STYXL1: variants seen among roughly 807,000 people sequenced by gnomAD.
STYXL1 encodes the protein serine/threonine/tyrosine-interacting-like protein 1.
Under a neutral mutation model 36.4 loss-of-function variants are expected in STYXL1, and 32 were observed. That is an observed-to-expected ratio of 0.88 (90% CI 0.66 to 1.18). STYXL1 has a LOEUF of 1.18. STYXL1 is among the 50% of genes most tolerant of loss of function. The pLI, the probability that STYXL1 is intolerant of heterozygous loss-of-function variation, is 0.00. For synonymous variants in STYXL1, 133 were observed against 144.1 expected (o/e 0.92, Z 0.55); for missense variants, 354 against 394.1 (o/e 0.90, Z 0.86).
intron 8 of STYXL1, 132 bp from the exon 9 acceptor site, chr7:75,996,731 A>G: frequency 1.2e-6 from 1 of 832,628 alleles, no homozygotes; most frequent in Non-Finnish European, 1.9e-6. Flanking sequence ...TGGATGCAGA[A>G]ACAGGGCAGC....
chr7:76,028,488 T>C (rs1337428086), intron 3 of STYXL1, among the ~76,000 whole-genome samples, 154 bp downstream of exon 3: 7 of 152,154 alleles, frequency 4.6e-5, no homozygotes, highest in African/African-American at 4.8e-5. Flanking sequence ...TGAGAAAATG[T>C]GTGAGGGTGA....
Position 76,047,834 on chromosome 7 carries a change from G to T in STYXL1, c.-177C>A. 1.7e-6 allele frequency: 2 copies of T among 1,145,076 alleles called. No homozygotes were observed. The highest frequency in any genetic ancestry group is 2.3e-6 in the Non-Finnish European group (2 of 882,904). 70.9% of individuals were successfully genotyped at this position (1,145,076 alleles called of 1,614,324 possible). A position where few individuals can be genotyped will look rare whatever the true frequency, so the allele number is the denominator to read the frequency against. Reference sequence around the variant, plus strand: ...CACCTGGAAAAATGGCTCCTCTAAGGCGCTTCCAGCCTAAAGCCCGTCCTC... The same window carrying T: ...CACCTGGAAAAATGGCTCCTCTAAGTCGCTTCCAGCCTAAAGCCCGTCCTC... On this transcript the variant is annotated 5_prime_UTR_variant, in exon 1 of 9. Transcript: ENST00000359697.
intron 5 of STYXL1, among the ~76,000 whole-genome samples, chr7:76,006,138 C>A (rs1396901483): frequency 6.6e-6 from 1 of 152,070 alleles, no homozygotes; most frequent in Non-Finnish European, 1.5e-5. Flanking sequence ...GTGGCTCAAT[C>A]ATAGCTCGCT....
At chr7:76,001,403 G>A (rs59972190) in intron 7 of STYXL1, among the ~76,000 whole-genome samples, 16,865 of 152,220 alleles carry the variant, frequency 0.11, 1,781 homozygotes, top group African/African-American at 0.27. Flanking sequence ...CTCACTGGCC[G>A]TGGGGCTTGG....
intron 2 of STYXL1, among the ~76,000 whole-genome samples, chr7:76,029,455 G>A (rs568262646): frequency 6.6e-6 from 1 of 152,132 alleles, no homozygotes; most frequent in Admixed American, 6.6e-5. Context: ...CCTCTTAACA[G>A]CTTTCTAAAG....
chr7:76,047,939 C>A lies in STYXL1; in HGVS notation c.-282G>T. On this transcript the variant is annotated 5_prime_UTR_variant, in exon 1 of 9. Transcript: ENST00000359697. ...GGCCACACAGACGGCTACGCTAGAACCCAGCCAAACACCGGGGTTGCCAGG... is the reference window on the plus strand; with the variant it reads ...GGCCACACAGACGGCTACGCTAGAAACCAGCCAAACACCGGGGTTGCCAGG... 3 of 1,450,790 alleles carry A rather than the reference C, an allele frequency of 2.1e-6. No homozygotes were observed. Among genetic ancestry groups the A allele is most frequent in the Non-Finnish European group, 2.7e-6 (3 of 1,102,308 alleles). The allele number at this position is 1,450,790 out of a possible 1,614,324, so 89.9% of individuals were successfully genotyped here.
At chr7:76,027,632 G>A (rs1441580406) in intron 3 of STYXL1, among the ~76,000 whole-genome samples, 1 of 151,126 alleles carries the variant, frequency 6.6e-6, no homozygotes, top group Admixed American at 6.6e-5. Context: ...ACAACATAAA[G>A]CTCCAAAAAT....
Position 75,996,454 on chromosome 7 carries a change from G to A in STYXL1, c.*14C>T. Reference sequence around the variant, plus strand: ...TGAGGCTCTTCAGTACCCTTCGGTGGGCCTCGGAGAAGATCAGTAGAGCGG... The same window carrying A: ...TGAGGCTCTTCAGTACCCTTCGGTGAGCCTCGGAGAAGATCAGTAGAGCGG... On this transcript the variant is annotated 3_prime_UTR_variant, in exon 9 of 9. Transcript: ENST00000359697. 6.2e-7 allele frequency: 1 copy of A among 1,614,158 alleles called. No individual in the cohort carries two copies. The highest frequency in any genetic ancestry group is 2.2e-5 in the East Asian group (1 of 44,880).
intron 3 of STYXL1, among the ~76,000 whole-genome samples, chr7:76,023,583 C>T (rs912697324): frequency 1.3e-5 from 2 of 151,832 alleles, no homozygotes; most frequent in Non-Finnish European, 2.9e-5. Context: ...CAAAAAAAGC[C>T]GGGTGTGGGA....
chr7:76,024,031 A>G (rs1658531157), intron 3 of STYXL1, among the ~76,000 whole-genome samples: 1 of 152,034 alleles, frequency 6.6e-6, no homozygotes, highest in South Asian at 2.1e-4. Context: ...GAACACCACC[A>G]CCACTTAAAA....
At chr7:76,040,363 C>A (rs1404154721) in intron 1 of STYXL1, among the ~76,000 whole-genome samples, 2 of 152,170 alleles carry the variant, frequency 1.3e-5, no homozygotes, top group Admixed American at 1.3e-4. Context: ...GGCTGGTCTG[C>A]CTGACAGAAG....
chr7:76,041,344 A>C (rs1440935190), intron 1 of STYXL1, among the ~76,000 whole-genome samples: 1 of 152,178 alleles, frequency 6.6e-6, no homozygotes, highest in Non-Finnish European at 1.5e-5. Flanking sequence ...TGATCAGTAC[A>C]TGTGGGTGTG....
intron 7 of STYXL1, among the ~76,000 whole-genome samples, chr7:76,002,052 T>C (rs1791014424): frequency 6.6e-6 from 1 of 152,122 alleles, no homozygotes; most frequent in Admixed American, 6.6e-5. Flanking sequence ...CAAGTAACCC[T>C]CCGCCTTAGC....
At chr7:76,030,070 G>A (rs1487479366) in intron 2 of STYXL1, among the ~76,000 whole-genome samples, 3 of 151,638 alleles carry the variant, frequency 2.0e-5, no homozygotes, top group East Asian at 3.9e-4. Context: ...CCCAAATCTC[G>A]GCTCACTCCA....
chr7:76,023,548 A>C (rs1254990183), intron 3 of STYXL1, among the ~76,000 whole-genome samples: 1 of 151,742 alleles, frequency 6.6e-6, no homozygotes, highest in South Asian at 2.1e-4. Flanking sequence ...ATTTATATCT[A>C]TATATATAGA....
chr7:76,013,165 A>C (rs138257623), intron 5 of STYXL1, among the ~76,000 whole-genome samples: 6,210 of 151,996 alleles, frequency 0.041, 159 homozygotes, highest in Middle Eastern at 0.075. Context: ...TCTCTACTAA[A>C]AATACAAAAA....
At chr7:76,027,583 T>G (rs1233746103) in intron 3 of STYXL1, among the ~76,000 whole-genome samples, 1 of 151,136 alleles carries the variant, frequency 6.6e-6, no homozygotes, top group East Asian at 1.9e-4. Flanking sequence ...ACTGCACCCC[T>G]GCCCGGGTGA....
chr7:76,013,176 A>G (rs1208674463), intron 5 of STYXL1, among the ~76,000 whole-genome samples: 1 of 150,932 alleles, frequency 6.6e-6, no homozygotes, highest in African/African-American at 2.4e-5. Context: ...AATACAAAAA[A>G]TTAGCCGGGC....
chr7:76,005,533 C>T (rs1461548809), intron 5 of STYXL1, 129 bp from the exon 6 acceptor site: 2 of 860,608 alleles, frequency 2.3e-6, no homozygotes, highest in Non-Finnish European at 3.6e-6. Flanking sequence ...TGACGGAGAT[C>T]CAGACTTTGA....
Sources: gnomAD v4.1 joint callset for allele counts (sites outside exome capture counted in the v4.1 genomes callset) on GRCh38, gnomAD v4.1.1 for gene constraint, MANE v1.5 for transcripts, NCBI Gene and HGNC (gene_info 2026-07-23, HGNC 2026-07-21) for gene names.